Variants in WDR41 observed in about 807,000 individuals in gnomAD.
WDR41 encodes the protein WD repeat-containing protein 41.
A neutral mutation model predicts 69.3 loss-of-function variants in WDR41; 63 were observed. The ratio of observed to expected loss-of-function variants is 0.91; its 90% CI spans 0.74 to 1.12. The LOEUF is 1.12. Ranked by LOEUF, WDR41 falls within the 50% of genes most tolerant of loss-of-function variation. The pLI is 0.00. For missense variants in WDR41, 543 were observed against 534.5 expected (o/e 1.02, Z -0.16); for synonymous variants, 185 against 192.1 (o/e 0.96, Z 0.31).
intron 4 of WDR41, 102 bp from the exon 5 acceptor site, chr5:77,459,226 T>A: frequency 1.2e-6 from 1 of 823,498 alleles, no homozygotes. Flanking sequence ...AGTTAGAAAA[T>A]CTTTAAATCA....
chr5:77,492,039 T>A (rs1801820652), intron 1 of WDR41, 131 bp downstream of exon 1: 1 of 1,163,930 alleles, frequency 8.6e-7, no homozygotes, highest in Non-Finnish European at 1.2e-6. Context: ...GAACAGCGCG[T>A]GGCACGAGCT....
chr5:77,504,359 C>G (rs889584798), intron 1 of WDR41, among the ~76,000 whole-genome samples: 1 of 152,100 alleles, frequency 6.6e-6, no homozygotes, highest in Non-Finnish European at 1.5e-5. Context: ...CAATAACAGG[C>G]TCTGAAATTG....
chr5:77,513,174 G>A (rs1802235481), intron 1 of WDR41, among the ~76,000 whole-genome samples: 1 of 151,870 alleles, frequency 6.6e-6, no homozygotes, highest in African/African-American at 2.4e-5. Flanking sequence ...TTGTACTTCT[G>A]TACATAGTTT....
At position 77,433,022 on chromosome 5, in the gene WDR41, T is replaced by G. The variant is rs963421185; in HGVS notation, c.*113A>C. The G allele has an allele frequency of 8.0e-7, 1 of 1,254,024 alleles. No homozygotes were observed. Among genetic ancestry groups the G allele is most frequent in the Non-Finnish European group, 1.1e-6 (1 of 925,322 alleles). The allele number at this position is 1,254,024 out of a possible 1,614,324, so 77.7% of individuals were successfully genotyped here. Reference sequence around the variant, plus strand: ...AAAAATTTAAACATGTAGAATTTTATGGACTGACAAAAAAAATTACCAATT... The same window carrying G: ...AAAAATTTAAACATGTAGAATTTTAGGGACTGACAAAAAAAATTACCAATT... On this transcript the variant is annotated 3_prime_UTR_variant, in exon 13 of 13. Coordinates refer to ENST00000296679, the MANE Select transcript of WDR41 (RefSeq NM_018268.4).
In WDR41 at chr5:77,598,644, C is replaced by CTTTTTTTTTTTTTTTTTTTTTTTTTTTTT. The variant is rs765785617; in HGVS notation, c.42+21834_42+21835insAAAAAAAAAAAAAAAAAAAAAAAAAAAAA. ...GAAGTTATGTGAATCAGTAAGTTTC[C>CTTTTTTTTTTTTTTTTTTTTTTTTTTTTT]TTTTTTTTTTTGTTTTTTTTGTAGC... On this transcript the variant is annotated intron_variant, in intron 1 of 5. Coordinates refer to the WDR41 transcript ENST00000509971. 1.6e-5 allele frequency among the ~76,000 whole-genome samples: 2 copies of CTTTTTTTTTTTTTTTTTTTTTTTTTTTTT among 121,358 alleles called. 1 individual carries two copies. Among genetic ancestry groups the CTTTTTTTTTTTTTTTTTTTTTTTTTTTTT allele is most frequent in the Non-Finnish European group, 3.5e-5 (2 of 57,108 alleles). The allele number at this position is 121,358 out of a possible 152,430, so 79.6% of individuals were successfully genotyped here.
chr5:77,529,066 T>A (rs1000293873), intron 1 of WDR41, among the ~76,000 whole-genome samples: 1 of 151,416 alleles, frequency 6.6e-6, no homozygotes, highest in African/African-American at 2.4e-5. Flanking sequence ...TTAAAATGTA[T>A]AAGAATTGGA....
rs183565289 is a variant in WDR41 at position 77,602,110 on chromosome 5, A to G, written c.42+18369T>C. 2.5e-3 allele frequency among the ~76,000 whole-genome samples: 363 copies of G among 146,792 alleles called. 2 individuals carry two copies. The Middle Eastern group carries it at 0.028, about 11-fold the overall frequency. On this transcript the variant is annotated intron_variant, in intron 1 of 5. Coordinates refer to the WDR41 transcript ENST00000509971. Reference sequence around the variant, plus strand: ...CATTAACCAACCTCTCTTCATCCCCACCCTTCCCATCCTCTGGTATCTATC... The same window carrying G: ...CATTAACCAACCTCTCTTCATCCCCGCCCTTCCCATCCTCTGGTATCTATC...
At chr5:77,494,976 G>A (rs547258247), upstream of WDR41, among the ~76,000 whole-genome samples, 12 of 152,114 alleles carry the variant, frequency 7.9e-5, no homozygotes, top group Non-Finnish European at 1.5e-4. Context: ...ACAGGAATCA[G>A]TGACAGAAGT....
intron 2 of WDR41, among the ~76,000 whole-genome samples, chr5:77,482,848 C>T (rs1322979118): frequency 2.0e-5 from 3 of 150,254 alleles, no homozygotes; most frequent in Non-Finnish European, 3.0e-5. Flanking sequence ...CTGTCCTCCC[C>T]ACATCTACCT....
intron 1 of WDR41, among the ~76,000 whole-genome samples, chr5:77,540,055 A>G (rs1743059307): frequency 6.6e-6 from 1 of 152,236 alleles, no homozygotes; most frequent in South Asian, 2.1e-4. Context: ...AATATTACCT[A>G]GCTTTCCTCA....
intron 1 of WDR41, among the ~76,000 whole-genome samples, chr5:77,504,437 C>T (rs1291408460): frequency 6.6e-6 from 1 of 152,078 alleles, no homozygotes; most frequent in African/African-American, 2.4e-5. Flanking sequence ...CTGAATTCTA[C>T]CAGAGGTACA....
chr5:77,434,072 G>A (rs1252340735), intron 12 of WDR41, among the ~76,000 whole-genome samples: 1 of 152,204 alleles, frequency 6.6e-6, no homozygotes, highest in Non-Finnish European at 1.5e-5. Flanking sequence ...GCTCACACCT[G>A]TAATCTCAGC....
At chr5:77,604,155 T>A (rs1329938358) in intron 1 of WDR41, among the ~76,000 whole-genome samples, 1 of 152,202 alleles carries the variant, frequency 6.6e-6, no homozygotes, top group African/African-American at 2.4e-5. Flanking sequence ...ATCTGAAGAT[T>A]TCTTTAGACA....
At chr5:77,457,851 A>G (rs1286923651) in intron 5 of WDR41, among the ~76,000 whole-genome samples, 1 of 151,980 alleles carries the variant, frequency 6.6e-6, no homozygotes, top group African/African-American at 2.4e-5. Context: ...CAGCAGGAGA[A>G]AACAGACACA....
intron 1 of WDR41, among the ~76,000 whole-genome samples, chr5:77,564,081 G>A (rs972191510): frequency 6.6e-6 from 1 of 152,090 alleles, no homozygotes; most frequent in Non-Finnish European, 1.5e-5. Context: ...CAATTGTAAA[G>A]ATTAAATAAA....
chr5:77,525,446 T>A (rs1802431616), intron 1 of WDR41, among the ~76,000 whole-genome samples: 1 of 152,166 alleles, frequency 6.6e-6, no homozygotes. Flanking sequence ...TGAAGGTACA[T>A]GCAGTGAGAC....
chr5:77,489,325 C>T, intron 2 of WDR41, 132 bp downstream of exon 2: 1 of 496,968 alleles, frequency 2.0e-6, no homozygotes, highest in South Asian at 4.6e-5. Flanking sequence ...ATTTCAATTT[C>T]TACTAAATGT....
At chr5:77,532,978 A>G (rs895200237) in intron 1 of WDR41, among the ~76,000 whole-genome samples, 2 of 152,136 alleles carry the variant, frequency 1.3e-5, no homozygotes, top group Non-Finnish European at 2.9e-5. Context: ...CTGTATGTTT[A>G]TGTTATGTAC....
At chr5:77,510,215 G>A (rs1180594457) in intron 1 of WDR41, among the ~76,000 whole-genome samples, 1 of 152,196 alleles carries the variant, frequency 6.6e-6, no homozygotes, top group Non-Finnish European at 1.5e-5. Context: ...TTACATGGAT[G>A]GCAGCAGGCA....
Sources: gnomAD v4.1 joint callset for allele counts (sites outside exome capture counted in the v4.1 genomes callset) on GRCh38, gnomAD v4.1.1 for gene constraint, MANE v1.5 for transcripts, NCBI Gene and HGNC (gene_info 2026-07-23, HGNC 2026-07-21) for gene names.